Variants in PCDHA9 observed in about 807,000 individuals in gnomAD.
PCDHA9 encodes protocadherin alpha-9.
Under a neutral mutation model 62.0 loss-of-function variants are expected in PCDHA9, and 62 were observed. The observed-to-expected ratio is 1.00, with a 90% confidence interval of 0.81 to 1.23. The LOEUF (loss-of-function observed/expected upper bound fraction) is 1.23, where lower values mean the gene tolerates loss of function less well. Among genes scored for constraint, PCDHA9 ranks in the 50% most tolerant of loss-of-function variants. PCDHA9 has a pLI of 0.00. For synonymous variants in PCDHA9, 557 were observed against 567.6 expected (o/e 0.98, Z 0.27); for missense variants, 1,205 against 1,249.8 (o/e 0.96, Z 0.54).
chr5:140,882,170 C>G, intron 1 of PCDHA9: 1 of 1,513,564 alleles, frequency 6.6e-7, no homozygotes, highest in Non-Finnish European at 8.8e-7. Flanking sequence ...CTTGCGAATC[C>G]TTCCGCACTA....
At chr5:140,888,613 A>C (rs782529480) in intron 1 of PCDHA9, among the ~76,000 whole-genome samples, 4 of 152,184 alleles carry the variant, frequency 2.6e-5, no homozygotes, top group Non-Finnish European at 5.9e-5. Flanking sequence ...TTAGTGTAGC[A>C]CTAATTCGGC....
intron 1 of PCDHA9, among the ~76,000 whole-genome samples, chr5:140,939,849 G>A (rs1554212970): frequency 6.6e-6 from 1 of 152,134 alleles, no homozygotes; most frequent in Non-Finnish European, 1.5e-5. Context: ...GTTGTGTTCT[G>A]TATATGTCCA....
chr5:140,953,110 G>A (rs1384996852), intron 1 of PCDHA9, among the ~76,000 whole-genome samples: 2 of 152,074 alleles, frequency 1.3e-5, no homozygotes, highest in Non-Finnish European at 2.9e-5. Flanking sequence ...ATTTGGGCAG[G>A]GACACAGATC....
chr5:140,933,666 T>C (rs1334972770), intron 1 of PCDHA9, among the ~76,000 whole-genome samples: 3 of 152,046 alleles, frequency 2.0e-5, no homozygotes, highest in Non-Finnish European at 4.4e-5. Context: ...TCTCTCTCTG[T>C]CTCTCTCACA....
chr5:140,883,707 A>C, intron 1 of PCDHA9: 1 of 1,613,636 alleles, frequency 6.2e-7, no homozygotes. Context: ...GTGTCTGCTC[A>C]GGACGCGGAC....
At chr5:140,873,693 C>T (rs1554166841) in intron 1 of PCDHA9, among the ~76,000 whole-genome samples, 1 of 152,156 alleles carries the variant, frequency 6.6e-6, no homozygotes, top group Non-Finnish European at 1.5e-5. Context: ...TAGAGTCTTG[C>T]TCTATCACCC....
Position 140,849,623 on chromosome 5 carries a change from C to T in PCDHA9, c.1128C>T (p.Asp376=), listed in dbSNP as rs1554143110. 1.3e-5 allele frequency: 21 copies of T among 1,598,756 alleles called. 2 individuals are homozygous for T. The highest frequency in any genetic ancestry group is 1.5e-5 in the Non-Finnish European group (18 of 1,167,974). ...GTVIALISVI[D]LDADANGQVT... ...TTATTGCCCTGATTAGTGTGATCGA[C>T]CTAGACGCAGATGCCAACGGGCAGG... Residue 376 remains aspartate, a synonymous_variant, in exon 1 of 4, where the codon GAC becomes GAT. Transcript: ENST00000532602.
At chr5:140,893,456 C>G (rs781790396) in intron 1 of PCDHA9, among the ~76,000 whole-genome samples, 44 of 151,918 alleles carry the variant, frequency 2.9e-4, no homozygotes, top group Non-Finnish European at 2.6e-4. Flanking sequence ...AGTTCAAGAC[C>G]AGCCTGGGCA....
intron 1 of PCDHA9, among the ~76,000 whole-genome samples, chr5:140,891,886 G>A (rs1554184992): frequency 1.3e-5 from 2 of 152,186 alleles, no homozygotes; most frequent in East Asian, 1.9e-4. Context: ...GTCATGTGAC[G>A]ATGCAGCAAG....
intron 3 of PCDHA9, among the ~76,000 whole-genome samples, chr5:141,000,399 A>ATT (rs2097917152): frequency 1.5e-5 from 1 of 66,842 alleles, no homozygotes; most frequent in Non-Finnish European, 2.7e-5. Context: ...CTCTCTCTAT[A>ATT]TATATATATA....
chr5:140,962,870 T>C (rs558640798), intron 1 of PCDHA9, among the ~76,000 whole-genome samples: 1 of 152,306 alleles, frequency 6.6e-6, no homozygotes, highest in Admixed American at 6.5e-5. Context: ...TAGAGCAACA[T>C]AAATACATGA....
intron 1 of PCDHA9, among the ~76,000 whole-genome samples, chr5:140,912,160 C>T (rs1208125180): frequency 6.6e-6 from 1 of 152,134 alleles, no homozygotes. Context: ...TGTTTTTATT[C>T]TGGCTGTGCT....
chr5:140,963,496 A>C (rs1554226617), intron 1 of PCDHA9, among the ~76,000 whole-genome samples: 2 of 152,232 alleles, frequency 1.3e-5, no homozygotes, highest in African/African-American at 2.4e-5. Context: ...TGAGGAAACA[A>C]ATCTCTTGAA....
chr5:140,928,757 G>T (rs372744198), intron 1 of PCDHA9: 1 of 1,614,092 alleles, frequency 6.2e-7, no homozygotes, highest in African/African-American at 1.3e-5. Context: ...CGTACTGCTC[G>T]CTTAGTTCTT....
At chr5:140,999,426 A>G (rs1456581917) in intron 3 of PCDHA9, among the ~76,000 whole-genome samples, 2 of 152,204 alleles carry the variant, frequency 1.3e-5, no homozygotes, top group Middle Eastern at 3.2e-3. Context: ...TAAGAGGCCA[A>G]GTACCTTGCC....
chr5:140,937,099 G>T (rs890589684), intron 1 of PCDHA9, among the ~76,000 whole-genome samples: 1 of 149,656 alleles, frequency 6.7e-6, no homozygotes, highest in Non-Finnish European at 1.5e-5. Flanking sequence ...GTGCAGTGGC[G>T]CAGTCTCGGC....
chr5:140,924,900 A>AT lies in PCDHA9; in HGVS notation c.2395-54049_2395-54048insT, dbSNP rs1563068012. 8.8e-4 allele frequency among the ~76,000 whole-genome samples: 56 copies of AT among 63,318 alleles called. 1 individual carries two copies. The highest frequency in any genetic ancestry group is 8.1e-3 in the Middle Eastern group (1 of 124). 41.5% of individuals were successfully genotyped at this position (63,318 alleles called of 152,430 possible). On this transcript the variant is annotated intron_variant, in intron 1 of 3. Coordinates refer to ENST00000532602, the MANE Select transcript of PCDHA9 (RefSeq NM_031857.2). ...ACAGAGCAAGAACCTGTCTCAAAAA[A>AT]AAAAATAAAATAAAATAAAATAAAA...
intron 1 of PCDHA9, chr5:140,929,303 A>G (rs782378312): frequency 1.1e-5 from 17 of 1,586,722 alleles, no homozygotes; most frequent in Non-Finnish European, 1.1e-5. Context: ...AGGAAAGGGG[A>G]TCACGCTAAT....
chr5:140,857,139 T>A (rs1554149566), intron 1 of PCDHA9: 1 of 1,598,268 alleles, frequency 6.3e-7, no homozygotes, highest in South Asian at 1.1e-5. Context: ...GATGCTCAAG[T>A]GGGCACCGTC....
Sources: allele counts gnomAD v4.1 joint callset (sites outside exome capture counted in the v4.1 genomes callset), GRCh38; gene constraint gnomAD v4.1.1; transcripts MANE v1.5; gene names NCBI Gene and HGNC (gene_info 2026-07-23, HGNC 2026-07-21).